The following EYS variants were observed in gnomAD, a reference collection of about 807,000 sequenced individuals.
EYS encodes EGF-like photoreceptor maintenance factor.
A neutral mutation model predicts 282.1 loss-of-function variants in EYS; 250 were observed. The ratio of observed to expected loss-of-function variants is 0.89; its 90% CI spans 0.80 to 0.98. The LOEUF is 0.98. Ranked by LOEUF, EYS falls within the 50% of genes least tolerant of loss-of-function variation. The pLI is 0.00. For missense variants in EYS, 4,016 were observed against 3,709.0 expected, an observed-to-expected ratio of 1.08 and a Z score of -2.15; for synonymous variants, 1,355 against 1,282.9, an observed-to-expected ratio of 1.06 and a Z score of -1.20.
chr6:64,055,151 A>G (rs1770937326), intron 33 of EYS, among the ~76,000 whole-genome samples: 1 of 152,202 alleles, frequency 6.6e-6, no homozygotes, highest in African/African-American at 2.4e-5. Flanking sequence ...CTAACAAGCA[A>G]GAACCTTCAA....
chr6:63,727,563 G>A lies in EYS; in HGVS notation c.8072-883C>T, dbSNP rs115518996. Among the ~76,000 whole-genome samples, 1,300 of 149,652 alleles carry A rather than the reference G, an allele frequency of 8.7e-3. 8 individuals carry two copies. The highest frequency in any genetic ancestry group is 0.012 in the Non-Finnish European group (833 of 67,552). ...AAGCGCTATACCTCATTCCTAGAGG[G>A]CCTGATTTATTAAAGCCAGGATGGA... is the stretch of plus-strand genomic sequence containing the variant. On this transcript the variant is annotated intron_variant, in intron 41 of 42. Transcript: ENST00000503581.
At chr6:64,457,361 T>A (rs1775586906) in intron 26 of EYS, among the ~76,000 whole-genome samples, 1 of 152,024 alleles carries the variant, frequency 6.6e-6, no homozygotes, top group Non-Finnish European at 1.5e-5. Flanking sequence ...ATTTTCTGTA[T>A]ATGTGTCTTT....
intron 2 of EYS, among the ~76,000 whole-genome samples, chr6:65,584,837 A>G (rs1431807184): frequency 6.6e-6 from 1 of 151,076 alleles, no homozygotes; most frequent in Non-Finnish European, 1.5e-5. Context: ...ATGTATACAC[A>G]CAAATACAAT....
intron 30 of EYS, among the ~76,000 whole-genome samples, chr6:64,295,518 A>AAG (rs1554140755): frequency 2.8e-5 from 1 of 35,902 alleles, no homozygotes; most frequent in African/African-American, 2.0e-4. Flanking sequence ...AAGAAAGAAG[A>AAG]AAGAAGAAAG....
intron 12 of EYS, among the ~76,000 whole-genome samples, chr6:65,237,186 A>G (rs1057512980): frequency 1.3e-5 from 2 of 152,182 alleles, no homozygotes; most frequent in East Asian, 3.9e-4. Flanking sequence ...AAAGCCAAAT[A>G]AATTTGTATA....
intron 22 of EYS, among the ~76,000 whole-genome samples, chr6:64,746,495 A>T (rs757065963): frequency 6.6e-6 from 1 of 152,178 alleles, no homozygotes; most frequent in Non-Finnish European, 1.5e-5. Context: ...AGTCGGTTAC[A>T]GCGTCATAAA....
At chr6:64,964,841 G>A (rs535448831) in intron 14 of EYS, among the ~76,000 whole-genome samples, 2 of 152,000 alleles carry the variant, frequency 1.3e-5, no homozygotes, top group South Asian at 2.1e-4. Context: ...AGACCAGCCC[G>A]GTCAACATGG....
At chr6:64,870,064 G>C (rs570328954) in intron 19 of EYS, among the ~76,000 whole-genome samples, 65 of 151,730 alleles carry the variant, frequency 4.3e-4, no homozygotes, top group African/African-American at 1.5e-3. Context: ...ACGAGGGTGA[G>C]AGTAAGAAAA....
intron 35 of EYS, among the ~76,000 whole-genome samples, chr6:63,957,948 G>A (rs936357097): frequency 7.1e-6 from 1 of 140,758 alleles, no homozygotes; most frequent in South Asian, 2.3e-4. Flanking sequence ...TTACTGAGAG[G>A]CATAAATTTG....
intron 29 of EYS, among the ~76,000 whole-genome samples, chr6:64,364,658 T>C (rs1055991273): frequency 6.6e-6 from 1 of 151,844 alleles, no homozygotes; most frequent in Non-Finnish European, 1.5e-5. Context: ...TAAGTGGATC[T>C]TGGAATTTAT....
chr6:64,802,348 G>A (rs183649235), intron 22 of EYS, among the ~76,000 whole-genome samples: 1 of 151,882 alleles, frequency 6.6e-6, no homozygotes, highest in Non-Finnish European at 1.5e-5. Context: ...CACCACGTCC[G>A]GCCGAGTTAT....
intron 24 of EYS, among the ~76,000 whole-genome samples, chr6:64,604,034 A>C (rs1189205032): frequency 2.0e-5 from 3 of 151,930 alleles, no homozygotes; most frequent in East Asian, 1.9e-4. Context: ...AATCTGCATT[A>C]TTTCTCTCTT....
intron 12 of EYS, among the ~76,000 whole-genome samples, chr6:65,263,160 G>A (rs1767661909): frequency 1.3e-5 from 2 of 151,906 alleles, no homozygotes; most frequent in South Asian, 4.2e-4. Context: ...GAGGAACATG[G>A]CAAAACCCCA....
intron 5 of EYS, among the ~76,000 whole-genome samples, chr6:65,432,318 C>G (rs1767917155): frequency 6.6e-6 from 1 of 151,964 alleles, no homozygotes; most frequent in African/African-American, 2.4e-5. Context: ...CCATATATCA[C>G]CTCCTTGAAC....
chr6:64,667,839 AGAGGAGTG>A (rs1562123217), intron 22 of EYS, among the ~76,000 whole-genome samples: 1 of 152,228 alleles, frequency 6.6e-6, no homozygotes, highest in Non-Finnish European at 1.5e-5. Context: ...ACAAGCAGGT[AGAGGAGTG>A]AAAGGACTCC....
At chr6:65,117,713 A>C (rs530587763) in intron 12 of EYS, among the ~76,000 whole-genome samples, 1 of 152,208 alleles carries the variant, frequency 6.6e-6, no homozygotes, top group Non-Finnish European at 1.5e-5. Flanking sequence ...AGGTTATTCA[A>C]GAAATAGGAA....
At chr6:63,753,014 T>C (rs975055995) in intron 41 of EYS, among the ~76,000 whole-genome samples, 11 of 151,656 alleles carry the variant, frequency 7.3e-5, no homozygotes, top group African/African-American at 2.7e-4. Context: ...TGGTCTTTTT[T>C]GATTTTTTTC....
At chr6:65,062,628 C>T (rs1773612476) in intron 12 of EYS, among the ~76,000 whole-genome samples, 1 of 151,848 alleles carries the variant, frequency 6.6e-6, no homozygotes, top group South Asian at 2.1e-4. Flanking sequence ...ACATAGTAAT[C>T]CTTTCTTGCT....
At chr6:64,234,176 G>A (rs889255595) in intron 30 of EYS, among the ~76,000 whole-genome samples, 6 of 152,096 alleles carry the variant, frequency 3.9e-5, no homozygotes, top group African/African-American at 1.2e-4. Context: ...AAAAATCACT[G>A]TGTTTGATTG....
Sources: allele counts gnomAD v4.1 joint callset (sites outside exome capture counted in the v4.1 genomes callset), GRCh38; gene constraint gnomAD v4.1.1; transcripts MANE v1.5; gene names NCBI Gene and HGNC (gene_info 2026-07-23, HGNC 2026-07-21).